OSBPL10: variants seen among roughly 807,000 people sequenced by gnomAD.
The protein encoded by OSBPL10 is oxysterol-binding protein-related protein 10.
Under a neutral mutation model 81.7 loss-of-function variants are expected in OSBPL10, and 49 were observed. That is an observed-to-expected ratio of 0.60 (90% CI 0.48 to 0.76). OSBPL10 has a LOEUF of 0.76. Among genes scored for constraint, OSBPL10 ranks in the 30% least tolerant of loss-of-function variants. The probability of loss-of-function intolerance (pLI) is 0.00; values close to 1 mark genes in which losing one functional copy is unlikely to be tolerated. For missense variants in OSBPL10, 923 were observed against 987.8 expected, an observed-to-expected ratio of 0.93 and a Z score of 0.88; for synonymous variants, 419 against 383.6, an observed-to-expected ratio of 1.09 and a Z score of -1.08.
At chr3:31,856,874 A>C (rs1398126183) in intron 3 of OSBPL10, among the ~76,000 whole-genome samples, 1 of 152,146 alleles carries the variant, frequency 6.6e-6, no homozygotes, top group East Asian at 1.9e-4. Context: ...CCAGGAGATC[A>C]AGACCAGCCT....
intron 6 of OSBPL10, among the ~76,000 whole-genome samples, chr3:31,725,709 T>C (rs985658570): frequency 6.6e-6 from 1 of 152,162 alleles, no homozygotes; most frequent in Non-Finnish European, 1.5e-5. Flanking sequence ...ATGTAAGTCA[T>C]ATGTCACTCA....
intron 2 of OSBPL10, among the ~76,000 whole-genome samples, chr3:32,002,043 A>G (rs540118929): frequency 6.6e-6 from 1 of 152,342 alleles, no homozygotes; most frequent in Non-Finnish European, 1.5e-5. Context: ...GTTCAAACCC[A>G]GCTCTGACTC....
intron 2 of OSBPL10, chr3:31,990,246 A>G (rs1168137876): frequency 6.2e-7 from 1 of 1,613,620 alleles, no homozygotes; most frequent in East Asian, 2.2e-5. Context: ...TTCACCATCA[A>G]GCAATCCATG....
intron 4 of OSBPL10, among the ~76,000 whole-genome samples, chr3:31,771,016 T>C (rs1358045944): frequency 6.6e-6 from 1 of 152,170 alleles, no homozygotes; most frequent in Non-Finnish European, 1.5e-5. Context: ...TTGGCCTCAG[T>C]TTCCTTACCT....
At chr3:31,988,846 C>G in intron 2 of OSBPL10, 1 of 580,942 alleles carries the variant, frequency 1.7e-6, no homozygotes, top group Non-Finnish European at 3.0e-6. Flanking sequence ...CTTGAGATGA[C>G]TGCAGCCATG....
chr3:31,813,466 T>C (rs1239636613), intron 4 of OSBPL10, among the ~76,000 whole-genome samples: 1 of 152,226 alleles, frequency 6.6e-6, no homozygotes, highest in Non-Finnish European at 1.5e-5. Flanking sequence ...GTTTTGTCTA[T>C]AAAATGACAC....
At chr3:31,681,004 AG>A (rs1161237816) in intron 8 of OSBPL10, among the ~76,000 whole-genome samples, 1 of 129,888 alleles carries the variant, frequency 7.7e-6, no homozygotes, top group Non-Finnish European at 1.7e-5. Context: ...ATTATTGATG[AG>A]GTTTATCTAA....
chr3:31,696,854 C>T (rs1177946729), intron 7 of OSBPL10, among the ~76,000 whole-genome samples: 1 of 152,198 alleles, frequency 6.6e-6, no homozygotes, highest in Non-Finnish European at 1.5e-5. Flanking sequence ...TTGTATATAT[C>T]CAAATGCCTA....
chr3:31,742,429 A>C (rs983893337), intron 5 of OSBPL10, among the ~76,000 whole-genome samples: 1 of 135,174 alleles, frequency 7.4e-6, no homozygotes, highest in Non-Finnish European at 1.7e-5. Flanking sequence ...TGAGTTAAGG[A>C]AAGTATATTA....
chr3:32,041,849 G>A (rs1699579056), intron 2 of OSBPL10, among the ~76,000 whole-genome samples: 1 of 152,038 alleles, frequency 6.6e-6, no homozygotes, highest in Admixed American at 6.6e-5. Context: ...AGTAGAGACG[G>A]GTGTTTCACC....
intron 7 of OSBPL10, among the ~76,000 whole-genome samples, chr3:31,694,653 G>C (rs1268945059): frequency 6.6e-6 from 1 of 151,958 alleles, no homozygotes; most frequent in African/African-American, 2.4e-5. Flanking sequence ...TCTAAAATAA[G>C]GTCATTTCTT....
Position 31,690,154 on chromosome 3 carries a change from G to A in OSBPL10, c.1246-6040C>T, listed in dbSNP as rs148581756. ...AATTGTAATCCCCAGTGTTGGAGAC[G>A]GGGCCTGATGGGAGGTGATTGGATC... On this transcript the variant is annotated intron_variant, in intron 7 of 11. Coordinates refer to ENST00000396556, the MANE Select transcript of OSBPL10 (RefSeq NM_017784.5). Among the ~76,000 whole-genome samples the A allele has an allele frequency of 3.6e-3, 544 of 152,230 alleles. 2 individuals carry two copies. The highest frequency in any genetic ancestry group is 0.012 in the African/African-American group (508 of 41,548).
intron 4 of OSBPL10, among the ~76,000 whole-genome samples, chr3:31,776,740 G>T (rs757972646): frequency 1.3e-5 from 2 of 152,138 alleles, no homozygotes; most frequent in African/African-American, 2.4e-5. Flanking sequence ...TTCAGAAGAG[G>T]CAAATCCACA....
At chr3:31,947,796 G>A (rs771271172) in intron 1 of OSBPL10, among the ~76,000 whole-genome samples, 9 of 151,730 alleles carry the variant, frequency 5.9e-5, no homozygotes, top group Non-Finnish European at 1.0e-4. Context: ...CTGATGTGGC[G>A]ACTCCTATGC....
chr3:31,982,625 A>G (rs2125510458), upstream of OSBPL10, among the ~76,000 whole-genome samples: 2 of 151,216 alleles, frequency 1.3e-5, no homozygotes, highest in Middle Eastern at 6.8e-3. Flanking sequence ...TGAGTAAATT[A>G]CAATTCCAGG....
chr3:31,767,923 CAGAGT>C (rs772278207), intron 4 of OSBPL10, among the ~76,000 whole-genome samples: 2 of 152,194 alleles, frequency 1.3e-5, no homozygotes, highest in South Asian at 2.1e-4. Flanking sequence ...AGCCAGCCTA[CAGAGT>C]AAAGTAAAAG....
chr3:31,810,194 T>C (rs1359171168), intron 4 of OSBPL10, among the ~76,000 whole-genome samples: 1 of 152,108 alleles, frequency 6.6e-6, no homozygotes, highest in Non-Finnish European at 1.5e-5. Context: ...TATACCAAAT[T>C]TCTTATTTAA....
intron 4 of OSBPL10, among the ~76,000 whole-genome samples, chr3:31,823,722 G>T (rs1262850658): frequency 1.3e-5 from 2 of 152,114 alleles, no homozygotes; most frequent in Non-Finnish European, 2.9e-5. Flanking sequence ...ATTTTACCTT[G>T]TTTTGTACGA....
intron 2 of OSBPL10, among the ~76,000 whole-genome samples, chr3:31,876,793 G>GA (rs1309719561): frequency 6.6e-6 from 1 of 151,568 alleles, no homozygotes; most frequent in Non-Finnish European, 1.5e-5. Flanking sequence ...AGCCTCCTCT[G>GA]AAAAAAGTCA....
Sources: allele counts gnomAD v4.1 joint callset (sites outside exome capture counted in the v4.1 genomes callset), GRCh38; gene constraint gnomAD v4.1.1; transcripts MANE v1.5; gene names NCBI Gene and HGNC (gene_info 2026-07-23, HGNC 2026-07-21).